The following GPM6A variants were observed in gnomAD, a reference collection of about 807,000 sequenced individuals.
The protein encoded by GPM6A is neuronal membrane glycoprotein M6-a.
GPM6A carries 7 observed loss-of-function variants against 32.1 expected under a neutral mutation model. The ratio of observed to expected loss-of-function variants is 0.22; its 90% CI spans 0.12 to 0.41. The LOEUF (loss-of-function observed/expected upper bound fraction) is 0.41. Ranked by LOEUF, GPM6A falls within the 10% of genes least tolerant of loss-of-function variation. The pLI is 1.00. For missense variants in GPM6A, 235 were observed against 347.2 expected (o/e 0.68, Z 2.57); for synonymous variants, 130 against 123.4 (o/e 1.05, Z -0.35).
At chr4:175,661,250 A>G (rs139537717) in intron 3 of GPM6A, among the ~76,000 whole-genome samples, 3 of 152,044 alleles carry the variant, frequency 2.0e-5, no homozygotes, top group African/African-American at 7.2e-5. Context: ...TTCAGATGAA[A>G]TGGCGAAACC....
chr4:175,842,372 G>C (rs1011632174), intron 1 of GPM6A, among the ~76,000 whole-genome samples: 4 of 152,206 alleles, frequency 2.6e-5, no homozygotes, highest in African/African-American at 7.2e-5. Flanking sequence ...GGCAGATACT[G>C]TTATCAGTTT....
chr4:175,740,207 T>C (rs1409931292), intron 1 of GPM6A, among the ~76,000 whole-genome samples: 1 of 152,038 alleles, frequency 6.6e-6, no homozygotes, highest in Admixed American at 6.6e-5. Context: ...TGAAAATATA[T>C]GTAGTCCAAT....
At chr4:175,907,544 C>T (rs980183335) in intron 1 of GPM6A, among the ~76,000 whole-genome samples, 1 of 152,106 alleles carries the variant, frequency 6.6e-6, no homozygotes, top group Non-Finnish European at 1.5e-5. Flanking sequence ...GGACATGCTA[C>T]CCCCAAATAT....
Position 175,931,671 on chromosome 4 carries a change from TACACACACACAC to T in GPM6A, c.-23+70626_-23+70637del, listed in dbSNP as rs376901123. ...TCTGACAGACATGTGTTAAAAAATA[TACACACACACAC>T]ACACACACACACACACACACACACA... On this transcript the variant is annotated intron_variant, in intron 1 of 7. Coordinates refer to the GPM6A transcript ENST00000280187. 6.1e-3 allele frequency among the ~76,000 whole-genome samples: 833 copies of T among 136,586 alleles called. 12 individuals are homozygous for T. Among genetic ancestry groups the T allele is most frequent in the African/African-American group, 0.022 (776 of 34,728 alleles). The allele number at this position is 136,586 out of a possible 152,430, so 89.6% of individuals were successfully genotyped here. A position where few individuals can be genotyped will look rare whatever the true frequency, so the allele number is the denominator to read the frequency against.
chr4:175,674,311 C>T (rs1579370232), intron 2 of GPM6A, among the ~76,000 whole-genome samples: 1 of 151,958 alleles, frequency 6.6e-6, no homozygotes, highest in Admixed American at 6.6e-5. Flanking sequence ...CCAAGTAGCT[C>T]GGATTACAGG....
intron 1 of GPM6A, among the ~76,000 whole-genome samples, chr4:175,905,765 A>G (rs1319312137): frequency 6.6e-6 from 1 of 152,074 alleles, no homozygotes; most frequent in Non-Finnish European, 1.5e-5. Context: ...ACGGGTCTTC[A>G]TATTGTCTAA....
At chr4:175,765,955 A>C (rs920219824) in intron 1 of GPM6A, among the ~76,000 whole-genome samples, 1 of 152,202 alleles carries the variant, frequency 6.6e-6, no homozygotes, top group Non-Finnish European at 1.5e-5. Flanking sequence ...CTATTCATAC[A>C]TCATATTCTC....
chr4:175,794,947 G>A (rs1734159608), intron 1 of GPM6A, among the ~76,000 whole-genome samples: 1 of 152,194 alleles, frequency 6.6e-6, no homozygotes, highest in Admixed American at 6.5e-5. Context: ...TATTTTGTTT[G>A]AGAGAAATTA....
rs545713403 is a variant in GPM6A, at chr4:175,676,258, C to T, written c.231-2422G>A. The stretch of plus-strand genomic sequence containing the variant: ...TCTCAGGTATGTCTTTTATAGCAGC[C>T]TGAGAACGGACTAATACAGGATCTG... On this transcript the variant is annotated intron_variant, in intron 2 of 6. Transcript: ENST00000393658. 3.3e-5 allele frequency among the ~76,000 whole-genome samples: 5 copies of T among 152,234 alleles called. No individual in the cohort carries two copies. In the East Asian group the frequency reaches 7.7e-4, roughly 24 times the overall value.
intron 1 of GPM6A, among the ~76,000 whole-genome samples, chr4:175,887,645 G>T (rs1737504844): frequency 6.6e-6 from 1 of 151,666 alleles, no homozygotes; most frequent in African/African-American, 2.4e-5. Context: ...ACCACTGCAA[G>T]TGTTATCAAG....
At chr4:175,870,233 T>A (rs1736864848) in intron 1 of GPM6A, among the ~76,000 whole-genome samples, 1 of 150,246 alleles carries the variant, frequency 6.7e-6, no homozygotes, top group African/African-American at 2.5e-5. Flanking sequence ...CAAGATCTGC[T>A]TTTTTCTTGA....
intron 1 of GPM6A, among the ~76,000 whole-genome samples, chr4:175,711,484 AAATAT>A (rs1480933967): frequency 9.2e-5 from 13 of 141,540 alleles, no homozygotes; most frequent in Middle Eastern, 3.7e-3. Context: ...ATGTATATAT[AAATAT>A]AATATATTTA....
intron 2 of GPM6A, among the ~76,000 whole-genome samples, chr4:175,674,114 A>G (rs1001725199): frequency 1.8e-4 from 27 of 152,220 alleles, no homozygotes; most frequent in African/African-American, 6.3e-4. Flanking sequence ...GGTTCACACC[A>G]AAGTAAGCTG....
At chr4:175,676,370 T>C (rs900598005) in intron 2 of GPM6A, among the ~76,000 whole-genome samples, 2 of 152,172 alleles carry the variant, frequency 1.3e-5, no homozygotes, top group Non-Finnish European at 2.9e-5. Context: ...TCTACTAGAA[T>C]ATAAGTTTCA....
intron 1 of GPM6A, among the ~76,000 whole-genome samples, chr4:175,751,445 T>C (rs1732332747): frequency 2.0e-5 from 3 of 152,198 alleles, no homozygotes; most frequent in Admixed American, 1.3e-4. Flanking sequence ...ACTAATCTTA[T>C]GATAATTTAA....
At chr4:175,749,158 A>G (rs1732220590) in intron 1 of GPM6A, among the ~76,000 whole-genome samples, 1 of 152,082 alleles carries the variant, frequency 6.6e-6, no homozygotes, top group South Asian at 2.1e-4. Context: ...GGCACCTTAA[A>G]ATAATATAGT....
intron 3 of GPM6A, among the ~76,000 whole-genome samples, chr4:175,673,082 G>A (rs910911278): frequency 6.6e-6 from 1 of 151,988 alleles, no homozygotes; most frequent in African/African-American, 2.4e-5. Context: ...AAATTATTCT[G>A]TATAAAAGTG....
chr4:175,771,254 G>A lies in GPM6A; in HGVS notation c.37+40937C>T, dbSNP rs566086479. On this transcript the variant is annotated intron_variant, in intron 1 of 6. Transcript: ENST00000393658. The stretch of plus-strand genomic sequence containing the variant: ...CCCACTGCTTCAGCTGTTTTAGTGC[G>A]TTCCATGCTTTCACTTTCAGTTTTA... Among the ~76,000 whole-genome samples, 15 of 152,052 alleles carry A rather than the reference G, an allele frequency of 9.9e-5. No homozygotes were observed. In the South Asian group the frequency reaches 1.7e-3, roughly 17 times the overall value.
In GPM6A at chr4:175,917,840, T is replaced by C. The variant is rs192341929; in HGVS notation, c.-23+84469A>G. ...AGAAAACACTAGAGAGACAACAATG[T>C]TAAGTAGCCTTATAAGTCAATGTGT... is the stretch of plus-strand genomic sequence containing the variant. On this transcript the variant is annotated intron_variant, in intron 1 of 7. Coordinates refer to the GPM6A transcript ENST00000280187. 3.4e-5 allele frequency among the ~76,000 whole-genome samples: 2 copies of C among 59,336 alleles called. 1 individual carries two copies. The highest frequency in any genetic ancestry group is 1.1e-4 in the African/African-American group (2 of 17,924). 38.9% of individuals were successfully genotyped at this position (59,336 alleles called of 152,430 possible). A position where few individuals can be genotyped will look rare whatever the true frequency, so the allele number is the denominator to read the frequency against.
Sources: gnomAD v4.1 joint callset for allele counts (sites outside exome capture counted in the v4.1 genomes callset) on GRCh38, gnomAD v4.1.1 for gene constraint, MANE v1.5 for transcripts, NCBI Gene and HGNC (gene_info 2026-07-23, HGNC 2026-07-21) for gene names.